ATM: variants seen among roughly 807,000 people sequenced by gnomAD.
ATM encodes ATM serine/threonine kinase, also known as serine-protein kinase ATM.
ATM carries 308 observed loss-of-function variants against 387.0 expected under a neutral mutation model. The observed-to-expected ratio is 0.80, with a 90% CI of 0.73 to 0.87. The LOEUF (loss-of-function observed/expected upper bound fraction) is 0.87. ATM is among the 40% of genes least tolerant of loss of function. The pLI is 0.00. For missense variants in ATM, 3,312 were observed against 3,560.9 expected, an observed-to-expected ratio of 0.93 and a Z score of 1.78; for synonymous variants, 1,156 against 1,187.3, an observed-to-expected ratio of 0.97 and a Z score of 0.54.
intron 29 of ATM, among the ~76,000 whole-genome samples, chr11:108,291,228 T>G (rs1427408099): frequency 6.6e-6 from 1 of 151,974 alleles, no homozygotes; most frequent in African/African-American, 2.4e-5. Context: ...AGAGCAAGAC[T>G]CCGTCTCAAG....
chr11:108,331,936 T>G lies in ATM; in HGVS notation c.7687T>G (p.Leu2563Val), dbSNP rs1208002418. 2 of 1,613,858 alleles carry G rather than the reference T, an allele frequency of 1.2e-6. No homozygotes were observed. Among genetic ancestry groups the G allele is most frequent in the African/African-American group, 1.3e-5 (1 of 74,922 alleles). Residue 2563 changes from leucine (L) to valine (V), a missense_variant, in exon 52 of 63, where the codon TTA becomes GTA. Physicochemically the swap from Leu to Val is conservative, Grantham distance 32. Coordinates refer to ENST00000675843, the MANE Select transcript of ATM (RefSeq NM_000051.4). ...PHHTLFIILA[L>V]ANANRDEFLT... ...TCACACTTTGTTTATTATACTGGCC[T>G]TAGCAAATGCAAACAGAGATGAATT...
intron 22 of ATM, among the ~76,000 whole-genome samples, chr11:108,273,384 C>T (rs1591612450): frequency 1.5e-5 from 2 of 131,806 alleles, no homozygotes; most frequent in African/African-American, 6.1e-5. Context: ...TCATGTCTCC[C>T]AGGCTGGAGT....
At chr11:108,334,933 C>T (rs1313641719) in intron 54 of ATM, 36 bp from the exon 55 acceptor site, 2 of 1,592,280 alleles carry the variant, frequency 1.3e-6, no homozygotes, top group Non-Finnish European at 1.7e-6. Context: ...AATAGTGTAT[C>T]TGACCTATTA....
At chr11:108,276,822 C>G (rs1161181439) in intron 22 of ATM, among the ~76,000 whole-genome samples, 2 of 152,132 alleles carry the variant, frequency 1.3e-5, no homozygotes, top group African/African-American at 4.8e-5. Context: ...GAGGTGTCTC[C>G]CAGTCAGGAG....
In ATM at chr11:108,325,582, A is replaced by G. The variant is rs1204933062; in HGVS notation, c.6807+38A>G. On this transcript the variant is annotated intron_variant, in intron 46 of 62. Coordinates refer to ENST00000675843, the MANE Select transcript of ATM (RefSeq NM_000051.4). ...TAAAACTATGTCATCTTACCTCTTG[A>G]CTTTCCTTTTATTATTTAAAAAACA... The G allele has an allele frequency of 6.0e-6, 9 of 1,507,894 alleles. No individual in the cohort carries two copies. In the African/African-American group the frequency reaches 1.2e-4, roughly 21 times the overall value. The allele number at this position is 1,507,894 out of a possible 1,614,324, so 93.4% of individuals were successfully genotyped here.
intron 40 of ATM, among the ~76,000 whole-genome samples, chr11:108,313,594 G>A (rs1019447777): frequency 6.6e-6 from 1 of 152,080 alleles, no homozygotes; most frequent in Non-Finnish European, 1.5e-5. Context: ...CCACTCTCCT[G>A]ATTTTTCTCC....
chr11:108,340,033 C>T (rs993138078), intron 56 of ATM: 2 of 152,134 alleles, frequency 1.3e-5, no homozygotes, highest in African/African-American at 4.8e-5. Flanking sequence ...TGCCCTAGTC[C>T]TTAAGGTGTT....
chr11:108,332,094 A>T (rs2086323727), intron 52 of ATM, 57 bp downstream of exon 52: 1 of 1,593,986 alleles, frequency 6.3e-7, no homozygotes. Context: ...CTTTCCTAGA[A>T]TATTTCTTTT....
intron 33 of ATM, among the ~76,000 whole-genome samples, chr11:108,298,816 T>C (rs1427842353): frequency 6.6e-6 from 1 of 152,230 alleles, no homozygotes; most frequent in Non-Finnish European, 1.5e-5. Context: ...AAAGCTACTG[T>C]AGTGCTAATA....
intron 56 of ATM, among the ~76,000 whole-genome samples, chr11:108,338,087 G>A (rs1334968514): frequency 1.3e-5 from 2 of 152,226 alleles, no homozygotes; most frequent in African/African-American, 2.4e-5. Context: ...GGTGGCCCAC[G>A]CCTGTAATCC....
At chr11:108,278,794 C>T (rs74747183) in intron 22 of ATM, among the ~76,000 whole-genome samples, 1 of 152,208 alleles carries the variant, frequency 6.6e-6, no homozygotes, top group East Asian at 1.9e-4. Flanking sequence ...GGATCTGCCC[C>T]CATGACTCCG....
At chr11:108,253,060 T>G in intron 12 of ATM, 148 bp downstream of exon 12, 1 of 674,916 alleles carries the variant, frequency 1.5e-6, no homozygotes, top group Non-Finnish European at 2.6e-6. Context: ...GAAGAGGTTG[T>G]TTTAATTCAG....
At chr11:108,242,251 G>T (rs4753834) in intron 5 of ATM, among the ~76,000 whole-genome samples, 36,970 of 151,870 alleles carry the variant, frequency 0.24, 4,753 homozygotes, top group African/African-American at 0.28. Flanking sequence ...AATTTAAATG[G>T]GCCAGTTCCT....
At position 108,315,863 on chromosome 11, in the gene ATM, ATAGT is replaced by A. The variant is rs1591776808; in HGVS notation, c.6049_6052del (p.Ser2017CysfsTer29). 6.2e-7 allele frequency: 1 copy of A among 1,613,578 alleles called. No homozygotes were observed. Among genetic ancestry groups the A allele is most frequent in the South Asian group, 1.1e-5 (1 of 91,068 alleles). On this transcript the variant is annotated frameshift_variant, in exon 41 of 63. Transcript: ENST00000675843. LOFTEE classifies it high-confidence loss of function. ...ATCTACAGAAGTATAGGGGAGCCAG[ATAGT>A]TTGTATGGCTGTGGTGGAGGGAAGA...
Position 108,308,199 on chromosome 11 carries a change from A to G in ATM, c.5762+215A>G, listed in dbSNP as rs77826768. 8.7e-3 allele frequency: 4,879 copies of G among 563,808 alleles called. 35 individuals are homozygous for G. The highest frequency in any genetic ancestry group is 0.012 in the Middle Eastern group (24 of 1,994). The allele number at this position is 563,808 out of a possible 1,614,324, so 34.9% of individuals were successfully genotyped here. On this transcript the variant is annotated intron_variant, in intron 38 of 62. Transcript: ENST00000675843. Reference sequence around the variant, plus strand: ...TCTCAATTCTAGTACCAGCTGTACCAGTAACCATGTTACCTTTGTTAAATT... The same window carrying G: ...TCTCAATTCTAGTACCAGCTGTACCGGTAACCATGTTACCTTTGTTAAATT...
chr11:108,267,653 T>C (rs4987968), intron 17 of ATM, among the ~76,000 whole-genome samples: 3,584 of 152,194 alleles, frequency 0.024, 108 homozygotes, highest in African/African-American at 0.075. Flanking sequence ...GGTCAGGAGA[T>C]CAAGACCATC....
At chr11:108,241,326 A>ATT (rs973639995) in intron 5 of ATM, among the ~76,000 whole-genome samples, 35 of 152,220 alleles carry the variant, frequency 2.3e-4, no homozygotes, top group African/African-American at 7.5e-4. Flanking sequence ...TAAAATGGTG[A>ATT]TAAAAAGCAT....
intron 40 of ATM, among the ~76,000 whole-genome samples, chr11:108,314,191 CT>C (rs2084410011): frequency 6.6e-6 from 1 of 152,114 alleles, no homozygotes; most frequent in South Asian, 2.1e-4. Flanking sequence ...TCATAACACA[CT>C]GCAAGCTCTG....
rs564752285 is a variant in ATM, at chr11:108,249,823, G to A, written c.1235+721G>A. Among the ~76,000 whole-genome samples the A allele has an allele frequency of 2.6e-5, 4 of 152,234 alleles. No homozygotes were observed. In the South Asian group the frequency reaches 8.3e-4, roughly 32 times the overall value. ...TTCTGGGGAAAAGCATATTGATTTAGATACCTATTGCTTAAGCTCATTTTT... is the reference window on the plus strand; with the variant it reads ...TTCTGGGGAAAAGCATATTGATTTAAATACCTATTGCTTAAGCTCATTTTT... On this transcript the variant is annotated intron_variant, in intron 9 of 62. Transcript: ENST00000675843.
Sources: allele counts gnomAD v4.1 joint callset (sites outside exome capture counted in the v4.1 genomes callset), GRCh38; gene constraint gnomAD v4.1.1; transcripts MANE v1.5; gene names NCBI Gene and HGNC (gene_info 2026-07-23, HGNC 2026-07-21).